The following CDH2 variants were observed in gnomAD, a reference collection of about 807,000 sequenced individuals.
CDH2 encodes the protein cadherin-2.
CDH2 carries 17 observed loss-of-function variants against 92.0 expected under a neutral mutation model. That is an observed-to-expected ratio of 0.18 (90% CI 0.13 to 0.28). CDH2 has a LOEUF of 0.28. Ranked by LOEUF, CDH2 falls within the 10% of genes least tolerant of loss-of-function variation. The probability of loss-of-function intolerance (pLI) is 1.00; values close to 1 mark genes in which losing one functional copy is unlikely to be tolerated. For missense variants in CDH2, 862 were observed against 1,133.1 expected (o/e 0.76, Z 3.44); for synonymous variants, 419 against 415.9 (o/e 1.01, Z -0.09).
At chr18:28,051,335 A>T (rs1331695737) in intron 2 of CDH2, among the ~76,000 whole-genome samples, 1 of 152,188 alleles carries the variant, frequency 6.6e-6, no homozygotes, top group African/African-American at 2.4e-5. Flanking sequence ...AGATACAATG[A>T]TTAGAAGTAA....
chr18:28,166,818 G>A (rs1415423075), intron 1 of CDH2, among the ~76,000 whole-genome samples: 1 of 152,014 alleles, frequency 6.6e-6, no homozygotes, highest in Non-Finnish European at 1.5e-5. Context: ...ATTATGCATG[G>A]AAGCCTCTAC....
chr18:27,950,999 T>G lies in CDH2; in HGVS notation c.*1154A>C, dbSNP rs1404894142. ...AAAATTAGCATTTTATTCAGAACGC[T>G]GGGGTCAGAGGTGTATCATTTATAT... On this transcript the variant is annotated 3_prime_UTR_variant, in exon 16 of 16. Coordinates refer to ENST00000269141, the MANE Select transcript of CDH2 (RefSeq NM_001792.5). 6.6e-6 allele frequency: 1 copy of G among 152,382 alleles called. No homozygotes were observed. The highest frequency in any genetic ancestry group is 1.9e-4 in the East Asian group (1 of 5,168). 9.4% of individuals were successfully genotyped at this position (152,382 alleles called of 1,614,324 possible). A position where few individuals can be genotyped will look rare whatever the true frequency, so the allele number is the denominator to read the frequency against.
At chr18:28,024,126 T>C (rs1368031004) in intron 2 of CDH2, among the ~76,000 whole-genome samples, 1 of 152,158 alleles carries the variant, frequency 6.6e-6, no homozygotes, top group Non-Finnish European at 1.5e-5. Context: ...TGTTTTGGGG[T>C]AGACTGCCAC....
intron 2 of CDH2, among the ~76,000 whole-genome samples, chr18:28,075,785 C>CTGG (rs2014707343): frequency 6.6e-6 from 1 of 152,180 alleles, no homozygotes; most frequent in Non-Finnish European, 1.5e-5. Flanking sequence ...AGGACCAGAT[C>CTGG]TCTTGCTCTT....
chr18:27,968,537 CA>C (rs1010960845), intron 14 of CDH2, among the ~76,000 whole-genome samples: 4 of 152,188 alleles, frequency 2.6e-5, no homozygotes, highest in Admixed American at 6.5e-5. Flanking sequence ...GTTGTTTAGG[CA>C]GGAAGGAATC....
chr18:27,965,267 A>ACTT (rs1233848012), intron 14 of CDH2, among the ~76,000 whole-genome samples: 3 of 152,208 alleles, frequency 2.0e-5, no homozygotes, highest in African/African-American at 4.8e-5. Flanking sequence ...CTTATCAAGA[A>ACTT]CTTCAGCTGG....
intron 2 of CDH2, among the ~76,000 whole-genome samples, chr18:28,035,732 T>C (rs966142424): frequency 2.0e-5 from 3 of 152,132 alleles, no homozygotes; most frequent in Admixed American, 6.6e-5. Context: ...ATGTTTTTCA[T>C]TGTATAAAGT....
intron 2 of CDH2, among the ~76,000 whole-genome samples, chr18:28,094,653 G>T (rs1039031497): frequency 1.3e-5 from 2 of 151,844 alleles, no homozygotes; most frequent in African/African-American, 4.8e-5. Context: ...AATTAGACAG[G>T]TGTGGTGGCG....
intron 2 of CDH2, among the ~76,000 whole-genome samples, chr18:28,038,152 A>G (rs1174585275): frequency 6.6e-6 from 1 of 152,146 alleles, no homozygotes; most frequent in Non-Finnish European, 1.5e-5. Context: ...GGCTGGGTGC[A>G]GTGGCTCAGA....
intron 14 of CDH2, among the ~76,000 whole-genome samples, chr18:27,966,241 T>C: frequency 6.6e-6 from 1 of 152,256 alleles, no homozygotes; most frequent in Middle Eastern, 3.4e-3. Context: ...TGAAAAATGT[T>C]TTATTAGAAG....
At chr18:27,961,956 T>TA (rs902414812) in intron 15 of CDH2, among the ~76,000 whole-genome samples, 4 of 151,176 alleles carry the variant, frequency 2.6e-5, no homozygotes, top group Non-Finnish European at 4.4e-5. Flanking sequence ...CAAAAAAAAT[T>TA]AAAAAAAAAT....
At chr18:27,992,049 T>C (rs1205592077) in intron 9 of CDH2, among the ~76,000 whole-genome samples, 1 of 152,228 alleles carries the variant, frequency 6.6e-6, no homozygotes, top group Non-Finnish European at 1.5e-5. Flanking sequence ...AATACATTTC[T>C]TAACGTCTCG....
intron 15 of CDH2, among the ~76,000 whole-genome samples, chr18:27,956,213 C>G (rs2011243631): frequency 6.6e-6 from 1 of 152,164 alleles, no homozygotes; most frequent in African/African-American, 2.4e-5. Flanking sequence ...AATTTACAAA[C>G]TAAACGCCTG....
rs560317377 is a variant in CDH2, at chr18:27,974,051, C to T, written c.2349+8893G>A. Among the ~76,000 whole-genome samples the T allele has an allele frequency of 7.9e-5, 12 of 152,290 alleles. No homozygotes were observed. The South Asian group carries it at 2.1e-3, about 26-fold the overall frequency. ...ACTGAAATTTTAGAGTCTGTTACAG[C>T]GGCTAGCCTATTTTAACTAATACCT... On this transcript the variant is annotated intron_variant, in intron 14 of 15. Transcript: ENST00000269141.
At chr18:27,962,058 CA>C (rs2011418985) in intron 15 of CDH2, among the ~76,000 whole-genome samples, 1 of 152,266 alleles carries the variant, frequency 6.6e-6, no homozygotes, top group East Asian at 1.9e-4. Context: ...CTTATGATGA[CA>C]AACATGAAAT....
rs1033617351 is a variant in CDH2 at position 27,939,827 on chromosome 18, C to G, written c.1152-6703G>C. The stretch of plus-strand genomic sequence containing the variant: ...ACCTTCTGGAAAACTGAAAAATGTG[C>G]TTTCCCATTTCTGATAGTACTGCTG... On this transcript the variant is annotated intron_variant, in intron 6 of 6. Transcript: ENST00000675173. Among the ~76,000 whole-genome samples, 7 of 152,158 alleles carry G rather than the reference C, an allele frequency of 4.6e-5. No individual in the cohort carries two copies. In the South Asian group the frequency reaches 8.3e-4, roughly 18 times the overall value.
intron 2 of CDH2, among the ~76,000 whole-genome samples, chr18:28,134,555 A>T (rs2015830225): frequency 6.6e-6 from 1 of 152,046 alleles, no homozygotes; most frequent in African/African-American, 2.4e-5. Context: ...ACAAAAAATT[A>T]AAAAATTAGC....
chr18:27,981,998 G>T (rs1599007922), intron 14 of CDH2, among the ~76,000 whole-genome samples: 1 of 152,204 alleles, frequency 6.6e-6, no homozygotes, highest in Middle Eastern at 3.4e-3. Context: ...GAATAGTTTA[G>T]CCTGTGAATT....
At chr18:28,065,060 T>C (rs1453664061) in intron 2 of CDH2, among the ~76,000 whole-genome samples, 1 of 152,124 alleles carries the variant, frequency 6.6e-6, no homozygotes, top group East Asian at 1.9e-4. Context: ...AATGAAGCTG[T>C]GGTACAAGTC....
Sources: gnomAD v4.1 joint callset for allele counts (sites outside exome capture counted in the v4.1 genomes callset) on GRCh38, gnomAD v4.1.1 for gene constraint, MANE v1.5 for transcripts, NCBI Gene and HGNC (gene_info 2026-07-23, HGNC 2026-07-21) for gene names.